Variants in TBC1D4 observed in about 807,000 individuals in gnomAD.
TBC1D4 encodes TBC1 domain family member 4.
TBC1D4 carries 121 observed loss-of-function variants against 142.5 expected under a neutral mutation model. The observed-to-expected ratio is 0.85, with a 90% CI of 0.73 to 0.99. TBC1D4 has a LOEUF of 0.99. TBC1D4 is among the 50% of genes least tolerant of loss of function. The probability of loss-of-function intolerance (pLI) is 0.00; values close to 1 mark genes in which losing one functional copy is unlikely to be tolerated. For synonymous variants in TBC1D4, 630 were observed against 628.2 expected (o/e 1.00, Z -0.04); for missense variants, 1,475 against 1,606.6 (o/e 0.92, Z 1.40).
chr13:75,319,411 C>T (rs1878568251), intron 12 of TBC1D4, among the ~76,000 whole-genome samples: 1 of 152,102 alleles, frequency 6.6e-6, no homozygotes, highest in African/African-American at 2.4e-5. Flanking sequence ...TAGATGTTCA[C>T]CACAAAAAAA....
chr13:75,302,007 G>T (rs1261608123), intron 16 of TBC1D4, among the ~76,000 whole-genome samples: 2 of 152,144 alleles, frequency 1.3e-5, no homozygotes, highest in Non-Finnish European at 2.9e-5. Flanking sequence ...AATATAAGAT[G>T]GCTCCCTTTG....
chr13:75,461,311 A>G (rs1887957177), intron 1 of TBC1D4, among the ~76,000 whole-genome samples: 1 of 152,230 alleles, frequency 6.6e-6, no homozygotes, highest in Admixed American at 6.5e-5. Flanking sequence ...GAGAAAAAAG[A>G]TGTAAAGACC....
chr13:75,365,779 A>G (rs1439848884), intron 1 of TBC1D4, among the ~76,000 whole-genome samples: 6 of 152,218 alleles, frequency 3.9e-5, no homozygotes, highest in Non-Finnish European at 7.3e-5. Flanking sequence ...GTTGCTTACT[A>G]GAATTCCTCC....
At chr13:75,405,999 C>T (rs905015292) in intron 1 of TBC1D4, among the ~76,000 whole-genome samples, 3 of 152,200 alleles carry the variant, frequency 2.0e-5, no homozygotes, top group Admixed American at 1.3e-4. Flanking sequence ...CCCTGGGCTA[C>T]CATTATTTTG....
intron 1 of TBC1D4, among the ~76,000 whole-genome samples, chr13:75,452,207 G>T (rs1454272679): frequency 6.6e-6 from 1 of 151,964 alleles, no homozygotes; most frequent in Non-Finnish European, 1.5e-5. Flanking sequence ...TATAATGCTG[G>T]GGATTACTCA....
At chr13:75,356,299 T>A in intron 3 of TBC1D4, 48 bp from the exon 4 acceptor site, 1 of 1,313,322 alleles carries the variant, frequency 7.6e-7, no homozygotes, top group Non-Finnish European at 1.1e-6. Flanking sequence ...GAATATATAT[T>A]TTTTACTCAA....
intron 1 of TBC1D4, among the ~76,000 whole-genome samples, chr13:75,420,113 G>A (rs1024946213): frequency 4.6e-5 from 7 of 152,194 alleles, no homozygotes; most frequent in African/African-American, 1.7e-4. Context: ...ATAGGCCAAA[G>A]AAGATTGGAG....
At chr13:75,373,008 G>A (rs528149289) in intron 1 of TBC1D4, among the ~76,000 whole-genome samples, 100 of 152,248 alleles carry the variant, frequency 6.6e-4, no homozygotes, top group African/African-American at 2.3e-3. Context: ...ATATTTAATA[G>A]GTAGTTTTAA....
chr13:75,324,103 T>C, intron 11 of TBC1D4, 134 bp downstream of exon 11: 1 of 1,047,128 alleles, frequency 9.5e-7, no homozygotes, highest in Non-Finnish European at 1.4e-6. Flanking sequence ...ACCAATATAT[T>C]AGAAACAGAT....
rs377343350 is a variant in TBC1D4, at chr13:75,405,492, G to A, written c.499-42885C>T. Among the ~76,000 whole-genome samples, 14 of 152,068 alleles carry A rather than the reference G, an allele frequency of 9.2e-5. No homozygotes were observed. In the East Asian group the frequency reaches 1.9e-3, roughly 21 times the overall value. On this transcript the variant is annotated intron_variant, in intron 1 of 20. Transcript: ENST00000377636. Reference sequence around the variant, plus strand: ...TCACCATGTTGCCCAGGCTGGTCTCGAACTCCTGAGTTCAGGCAATATGCC... The same window carrying A: ...TCACCATGTTGCCCAGGCTGGTCTCAAACTCCTGAGTTCAGGCAATATGCC...
chr13:75,293,290 T>C (rs542885876), intron 18 of TBC1D4, among the ~76,000 whole-genome samples: 137 of 152,260 alleles, frequency 9.0e-4, no homozygotes, highest in Non-Finnish European at 1.5e-3. Flanking sequence ...CATAGAATCA[T>C]TATTTCATAG....
intron 1 of TBC1D4, among the ~76,000 whole-genome samples, chr13:75,408,871 T>C (rs188778931): frequency 2.6e-5 from 4 of 152,342 alleles, no homozygotes; most frequent in Admixed American, 2.0e-4. Context: ...AATACCTTCT[T>C]TGGAAAAATA....
chr13:75,299,307 C>T (rs1401147393), intron 17 of TBC1D4, 23 bp downstream of exon 17: 2 of 1,613,566 alleles, frequency 1.2e-6, no homozygotes, highest in African/African-American at 2.7e-5. Flanking sequence ...TCACACCTTC[C>T]TCGGGAAGCA....
intron 1 of TBC1D4, among the ~76,000 whole-genome samples, chr13:75,391,195 T>TACACACACACACACACAC (rs111629817): frequency 7.0e-6 from 1 of 141,932 alleles, no homozygotes; most frequent in Non-Finnish European, 1.5e-5. Flanking sequence ...CCCATCAGTT[T>TACACACACACACACACAC]ACACACACAC....
At chr13:75,392,322 T>C (rs1192463957) in intron 1 of TBC1D4, among the ~76,000 whole-genome samples, 1 of 152,188 alleles carries the variant, frequency 6.6e-6, no homozygotes, top group Non-Finnish European at 1.5e-5. Flanking sequence ...TTATTTCTAC[T>C]TCCTTACCAG....
In TBC1D4 at chr13:75,349,410, A is replaced by C. The variant is rs947976557; in HGVS notation, c.1276-108T>G. 7 of 1,444,326 alleles carry C rather than the reference A, an allele frequency of 4.8e-6. No individual in the cohort carries two copies. The African/African-American group carries it at 8.4e-5, about 17-fold the overall frequency. The allele number at this position is 1,444,326 out of a possible 1,614,324, so 89.5% of individuals were successfully genotyped here. A position where few individuals can be genotyped will look rare whatever the true frequency, so the allele number is the denominator to read the frequency against. ...TTGATGCTGACTAAATAAAAATAAT[A>C]GAATTTTGATGACTAGAGAGTTAGC... On this transcript the variant is annotated intron_variant, in intron 4 of 20. Coordinates refer to ENST00000377636, the MANE Select transcript of TBC1D4 (RefSeq NM_014832.5).
intron 5 of TBC1D4, among the ~76,000 whole-genome samples, chr13:75,344,633 T>C (rs1220122149): frequency 6.6e-6 from 1 of 152,170 alleles, no homozygotes; most frequent in African/African-American, 2.4e-5. Flanking sequence ...GGAAACAGCA[T>C]TCCCCTTCGA....
chr13:75,294,106 T>C (rs1418048052), intron 18 of TBC1D4, among the ~76,000 whole-genome samples: 1 of 152,240 alleles, frequency 6.6e-6, no homozygotes, highest in Admixed American at 6.5e-5. Context: ...TGGTTGTTGT[T>C]GTTGTTGTTT....
chr13:75,393,543 A>G (rs1226502926), intron 1 of TBC1D4, among the ~76,000 whole-genome samples: 1 of 152,144 alleles, frequency 6.6e-6, no homozygotes, highest in Non-Finnish European at 1.5e-5. Flanking sequence ...ACAAACAGCA[A>G]ATTTTTCAGT....
Sources: allele counts gnomAD v4.1 joint callset (sites outside exome capture counted in the v4.1 genomes callset), GRCh38; gene constraint gnomAD v4.1.1; transcripts MANE v1.5; gene names NCBI Gene and HGNC (gene_info 2026-07-23, HGNC 2026-07-21).